The following C1orf185 variants were observed in gnomAD, a reference collection of about 807,000 sequenced individuals.
C1orf185 encodes chromosome 1 open reading frame 185, also known as uncharacterized protein C1orf185.
Under a neutral mutation model 16.1 loss-of-function variants are expected in C1orf185, and 13 were observed. The ratio of observed to expected loss-of-function variants is 0.81; its 90% CI spans 0.53 to 1.28. The LOEUF is 1.28. Ranked by LOEUF, C1orf185 falls within the 50% of genes most tolerant of loss-of-function variation. The pLI, the probability that C1orf185 is intolerant of heterozygous loss-of-function variation, is 0.00. For synonymous variants in C1orf185, 80 were observed against 76.9 expected (o/e 1.04, Z -0.21); for missense variants, 220 against 225.2 (o/e 0.98, Z 0.15).
chr1:51,148,995 C>T (rs1372015318), downstream of C1orf185, among the ~76,000 whole-genome samples: 1 of 152,142 alleles, frequency 6.6e-6, no homozygotes, highest in Non-Finnish European at 1.5e-5. Flanking sequence ...GAATGTTCCT[C>T]ACCCTCACTC....
At chr1:51,122,968 C>A (rs1646208758) in intron 3 of C1orf185, among the ~76,000 whole-genome samples, 1 of 152,236 alleles carries the variant, frequency 6.6e-6, no homozygotes, top group Non-Finnish European at 1.5e-5. Flanking sequence ...TACCAGAATA[C>A]CTGAAACTGG....
chr1:51,139,193 C>T (rs759931850), intron 3 of C1orf185, among the ~76,000 whole-genome samples: 149 of 151,940 alleles, frequency 9.8e-4, no homozygotes, highest in Non-Finnish European at 1.7e-3. Flanking sequence ...ACCTCAAACT[C>T]CTGGGCTCAA....
intron 3 of C1orf185, among the ~76,000 whole-genome samples, chr1:51,124,226 C>A (rs1205440747): frequency 6.6e-6 from 1 of 151,888 alleles, no homozygotes; most frequent in Non-Finnish European, 1.5e-5. Flanking sequence ...GGACTACAGG[C>A]GCCCGCCACC....
chr1:51,147,988 C>T lies in C1orf185; in HGVS notation c.*217C>T. 1 of 433,256 alleles carries T rather than the reference C, an allele frequency of 2.3e-6. No individual in the cohort carries two copies. The highest frequency in any genetic ancestry group is 4.0e-5 in the Admixed American group (1 of 25,176). The allele number at this position is 433,256 out of a possible 1,614,324, so 26.8% of individuals were successfully genotyped here. A position where few individuals can be genotyped will look rare whatever the true frequency, so the allele number is the denominator to read the frequency against. Reference sequence around the variant, plus strand: ...CCTTGCTGGTTCTTATTTCTAGAAACAAAATTAGGAAGAACTAGAGTGATG... The same window carrying T: ...CCTTGCTGGTTCTTATTTCTAGAAATAAAATTAGGAAGAACTAGAGTGATG... On this transcript the variant is annotated 3_prime_UTR_variant, in exon 5 of 5. Transcript: ENST00000371759.
intron 3 of C1orf185, among the ~76,000 whole-genome samples, chr1:51,124,081 G>GTTTTTTTT (rs893846873): frequency 5.3e-5 from 6 of 113,588 alleles, no homozygotes; most frequent in African/African-American, 9.9e-5. Context: ...ACTGTAGTTT[G>GTTTTTTTT]TTTTTTTTTT....
chr1:51,120,962 G>T (rs1646193186), intron 3 of C1orf185, among the ~76,000 whole-genome samples: 1 of 151,992 alleles, frequency 6.6e-6, no homozygotes, highest in Admixed American at 6.6e-5. Context: ...GATAATTCAG[G>T]ATTCTTTTAT....
At chr1:51,138,434 C>T (rs182862446) in intron 3 of C1orf185, among the ~76,000 whole-genome samples, 1 of 152,168 alleles carries the variant, frequency 6.6e-6, no homozygotes, top group Non-Finnish European at 1.5e-5. Context: ...GCTCTGTTGC[C>T]CAGGCTGGAG....
chr1:51,106,938 T>C (rs962111500), intron 1 of C1orf185, among the ~76,000 whole-genome samples: 2 of 152,102 alleles, frequency 1.3e-5, no homozygotes, highest in African/African-American at 4.8e-5. Flanking sequence ...TTTGTATTTT[T>C]AGTAGAGACA....
intron 3 of C1orf185, among the ~76,000 whole-genome samples, chr1:51,126,716 G>A (rs1646242956): frequency 1.3e-5 from 2 of 152,164 alleles, no homozygotes; most frequent in African/African-American, 4.8e-5. Context: ...AAAATCTTAA[G>A]TTACCATAGT....
chr1:51,129,961 A>G (rs1366473619), intron 3 of C1orf185, among the ~76,000 whole-genome samples: 1 of 152,214 alleles, frequency 6.6e-6, no homozygotes, highest in Non-Finnish European at 1.5e-5. Context: ...TCAGTCGATA[A>G]TAATATCCAT....
At chr1:51,118,200 G>A (rs530293452) in intron 2 of C1orf185, among the ~76,000 whole-genome samples, 16 of 152,320 alleles carry the variant, frequency 1.1e-4, no homozygotes, top group South Asian at 4.1e-4. Flanking sequence ...GATTACAGGC[G>A]TAAGCCACCG....
downstream of C1orf185, among the ~76,000 whole-genome samples, chr1:51,151,938 C>T (rs1310676584): frequency 1.3e-5 from 2 of 152,118 alleles, no homozygotes. Context: ...ATCCAAACAC[C>T]TCAGCCTCCC....
rs1646176704 is a variant in C1orf185 at position 51,118,731 on chromosome 1, C to T, written c.188C>T (p.Ala63Val). ...DERCRQRPSM[A>V]KIKSHSQCVF... The stretch of plus-strand genomic sequence containing the variant: ...AGATGCAGGCAAAGACCATCAATGG[C>T]GAAGATTAAATCTCATTCTCAGTGT... The change falls in exon 3 of 5, where the codon GCG becomes GTG. Residue 63 changes from alanine (A) to valine (V), a missense_variant. By Grantham distance (64) the Ala-to-Val change is moderately conservative. Transcript: ENST00000371759. The T allele has an allele frequency of 2.7e-6, 4 of 1,490,558 alleles. No individual in the cohort carries two copies. The highest frequency in any genetic ancestry group is 1.4e-5 in the African/African-American group (1 of 71,576). The allele number at this position is 1,490,558 out of a possible 1,614,324, so 92.3% of individuals were successfully genotyped here.
In C1orf185 at chr1:51,141,677, G is replaced by T. The variant is rs142088592; in HGVS notation, c.259-4047G>T. Reference sequence around the variant, plus strand: ...GTGTGTATGGGTGTGTATTTTTATTGTTTCTGAACCACTTAAAAGTAGAAT... The same window carrying T: ...GTGTGTATGGGTGTGTATTTTTATTTTTTCTGAACCACTTAAAAGTAGAAT... On this transcript the variant is annotated intron_variant, in intron 3 of 4. Coordinates refer to ENST00000371759, the MANE Select transcript of C1orf185 (RefSeq NM_001136508.2). 3.6e-3 allele frequency among the ~76,000 whole-genome samples: 546 copies of T among 152,082 alleles called. 1 individual carries two copies. The highest frequency in any genetic ancestry group is 4.4e-3 in the Non-Finnish European group (300 of 67,974).
intron 1 of C1orf185, among the ~76,000 whole-genome samples, chr1:51,104,972 T>C (rs1181245833): frequency 6.8e-6 from 1 of 147,016 alleles, no homozygotes; most frequent in Non-Finnish European, 1.5e-5. Flanking sequence ...TCTTCTCCAT[T>C]TTTTTTTTTT....
At position 51,147,908 on chromosome 1, in the gene C1orf185, C is replaced by A; in HGVS notation, c.*137C>A. ...TACAATCAGCTTCTGAGTCTCTTAA[C>A]ATGTCCATGCTAATATTGCTTTTTT... On this transcript the variant is annotated 3_prime_UTR_variant, in exon 5 of 5. Coordinates refer to ENST00000371759, the MANE Select transcript of C1orf185 (RefSeq NM_001136508.2). 1 of 763,596 alleles carries A rather than the reference C, an allele frequency of 1.3e-6. No homozygotes were observed. The highest frequency in any genetic ancestry group is 2.0e-6 in the Non-Finnish European group (1 of 503,308). The allele number at this position is 763,596 out of a possible 1,614,324, so 47.3% of individuals were successfully genotyped here. A position where few individuals can be genotyped will look rare whatever the true frequency, so the allele number is the denominator to read the frequency against.
At chr1:51,105,348 TA>T (rs551029416) in intron 1 of C1orf185, among the ~76,000 whole-genome samples, 134 of 145,094 alleles carry the variant, frequency 9.2e-4, no homozygotes, top group Non-Finnish European at 1.1e-3. Context: ...TATGCAGCCT[TA>T]AAAAAAAAAA....
At chr1:51,151,688 T>C (rs1280626389), downstream of C1orf185, among the ~76,000 whole-genome samples, 2 of 151,998 alleles carry the variant, frequency 1.3e-5, no homozygotes, top group Admixed American at 1.3e-4. Flanking sequence ...TTTATTTATT[T>C]ATTTTATTTT....
chr1:51,116,099 T>G (rs532418080), intron 2 of C1orf185, among the ~76,000 whole-genome samples: 5 of 152,268 alleles, frequency 3.3e-5, no homozygotes, highest in African/African-American at 1.2e-4. Context: ...AAACTATCAC[T>G]AAATTCTATT....
Sources: gnomAD v4.1 joint callset for allele counts (sites outside exome capture counted in the v4.1 genomes callset) on GRCh38, gnomAD v4.1.1 for gene constraint, MANE v1.5 for transcripts, NCBI Gene and HGNC (gene_info 2026-07-23, HGNC 2026-07-21) for gene names.